ATL3: variants seen among roughly 807,000 people sequenced by gnomAD.
The protein encoded by ATL3 is atlastin-3.
ATL3 carries 49 observed loss-of-function variants against 69.5 expected under a neutral mutation model. That is an observed-to-expected ratio of 0.71 (90% CI 0.56 to 0.89). The LOEUF is 0.89. Ranked by LOEUF, ATL3 falls within the 40% of genes least tolerant of loss-of-function variation. The pLI is 0.00. For missense variants in ATL3, 606 were observed against 645.7 expected, an observed-to-expected ratio of 0.94 and a Z score of 0.67; for synonymous variants, 214 against 224.1, an observed-to-expected ratio of 0.95 and a Z score of 0.40.
At chr11:63,671,563 CG>C, upstream of ATL3, 2 of 1,419,826 alleles carry the variant, frequency 1.4e-6, no homozygotes, top group Non-Finnish European at 1.8e-6. Context: ...CTAGGCGAGG[CG>C]GGGCGGGAAA....
intron 5 of ATL3, among the ~76,000 whole-genome samples, chr11:63,650,934 C>A (rs192139262): frequency 1.3e-5 from 2 of 152,052 alleles, no homozygotes; most frequent in African/African-American, 2.4e-5. Flanking sequence ...CATTAAGGAT[C>A]GAGGTTTAGG....
At chr11:63,649,521 T>A (rs1346057184) in intron 5 of ATL3, among the ~76,000 whole-genome samples, 1 of 151,874 alleles carries the variant, frequency 6.6e-6, no homozygotes, top group Non-Finnish European at 1.5e-5. Context: ...AAGGTAGAAA[T>A]ATAATTTTAT....
At chr11:63,664,757 A>T (rs1446672807) in intron 1 of ATL3, among the ~76,000 whole-genome samples, 1 of 150,326 alleles carries the variant, frequency 6.7e-6, no homozygotes, top group African/African-American at 2.4e-5. Flanking sequence ...ACAGGCATGC[A>T]CCTCCATGCC....
chr11:63,652,478 G>T lies in ATL3; in HGVS notation c.503C>A (p.Ser168Tyr). ...GAGTCAAGTGGTTTTTACCTGAACA[G>T]AACTAGTCATAGTGCTTAGAGCAAA... ...TIFALSTMTS[S>Y]VQIYNLSQNI... The change falls in exon 4 of 13, where the codon TCT (serine) becomes TAT (tyrosine). Residue 168 changes from serine (S) to tyrosine (Y), a missense_variant. Transcript: ENST00000398868. 6.3e-7 allele frequency: 1 copy of T among 1,596,230 alleles called. No individual in the cohort carries two copies. The highest frequency in any genetic ancestry group is 1.1e-5 in the South Asian group (1 of 87,844).
chr11:63,669,538 A>G (rs1227139944), intron 1 of ATL3, among the ~76,000 whole-genome samples: 1 of 151,992 alleles, frequency 6.6e-6, no homozygotes, highest in East Asian at 1.9e-4. Context: ...CCTTCTCACC[A>G]GAAGAAAAAA....
chr11:63,647,277 T>G (rs371074855), intron 5 of ATL3, among the ~76,000 whole-genome samples: 1 of 152,188 alleles, frequency 6.6e-6, no homozygotes, highest in African/African-American at 2.4e-5. Context: ...CATCGCAACC[T>G]CCGCCTCCCG....
chr11:63,671,034 C>A (rs2134554428), intron 1 of ATL3, among the ~76,000 whole-genome samples: 2 of 152,274 alleles, frequency 1.3e-5, no homozygotes, highest in African/African-American at 4.8e-5. Context: ...CCCCCGGCGG[C>A]ACCAGGGCCC....
rs17158453 is a variant in ATL3 at position 63,628,912 on chromosome 11, C to T, written c.*407G>A. The T allele has an allele frequency of 0.14, 21,994 of 159,218 alleles. 1,670 individuals are homozygous for T. Among genetic ancestry groups the T allele is most frequent in the Middle Eastern group, 0.18 (55 of 308 alleles). The allele number at this position is 159,218 out of a possible 1,614,324, so 9.9% of individuals were successfully genotyped here. On this transcript the variant is annotated 3_prime_UTR_variant, in exon 13 of 13. Transcript: ENST00000398868. The stretch of plus-strand genomic sequence containing the variant: ...AGAAATGTCAAGTTTCACCCGAAAA[C>T]GGCACCTTTCATGAGGTTATCCTCC...
intron 5 of ATL3, among the ~76,000 whole-genome samples, chr11:63,649,188 T>G (rs949612247): frequency 5.3e-5 from 8 of 152,246 alleles, no homozygotes; most frequent in African/African-American, 1.9e-4. Context: ...AAACAAAACC[T>G]GCCTTCAACT....
intron 6 of ATL3, 133 bp from the exon 7 acceptor site, chr11:63,644,394 T>C (rs1256688753): frequency 1.6e-6 from 1 of 615,374 alleles, no homozygotes; most frequent in Non-Finnish European, 2.8e-6. Flanking sequence ...TTTTTTTTTT[T>C]TTTTTTTTTT....
intron 8 of ATL3, among the ~76,000 whole-genome samples, chr11:63,642,100 TTCTC>T (rs534601168): frequency 1.5e-4 from 23 of 152,252 alleles, no homozygotes; most frequent in Non-Finnish European, 2.8e-4. Context: ...ACACTTAACT[TTCTC>T]TCCCTACTCA....
At chr11:63,637,277 G>GAA (rs56386158) in intron 8 of ATL3, among the ~76,000 whole-genome samples, 8 of 140,112 alleles carry the variant, frequency 5.7e-5, no homozygotes, top group South Asian at 2.3e-4. Flanking sequence ...CTCCATCTCA[G>GAA]AAAAAAAAAA....
At chr11:63,630,001 G>T (rs547089938) in intron 12 of ATL3, among the ~76,000 whole-genome samples, 7 of 151,968 alleles carry the variant, frequency 4.6e-5, no homozygotes, top group Non-Finnish European at 8.8e-5. Flanking sequence ...ACTCAAAACC[G>T]AACATTTTTC....
In ATL3 at chr11:63,659,113, C is replaced by A; in HGVS notation, c.186G>T (p.Val62=). Residue 62 remains valine, a synonymous_variant, in exon 2 of 13, where the codon GTG becomes GTT. Transcript: ENST00000398868. ...TTCGGAAGGCACCAGCCACTGAAAC[C>A]ACCACCACATCAAGATCTCGGATGT... ...QDHIRDLDVV[V]VSVAGAFRKG... 6.2e-7 allele frequency: 1 copy of A among 1,613,970 alleles called. No homozygotes were observed. The highest frequency in any genetic ancestry group is 1.1e-5 in the South Asian group (1 of 91,072).
At position 63,635,718 on chromosome 11, in the gene ATL3, A is replaced by C. The variant is rs1398639869; in HGVS notation, c.979-128T>G. ...CTTAGGTCAACAACCAGGAATTAGC[A>C]AAAACACACCACACACCTTTGAGTG... On this transcript the variant is annotated intron_variant, in intron 9 of 12. Transcript: ENST00000398868. 568 of 681,352 alleles carry C rather than the reference A, an allele frequency of 8.3e-4. 4 individuals carry two copies. Among genetic ancestry groups the C allele is most frequent in the Non-Finnish European group, 4.5e-5 (18 of 401,538 alleles). The allele number at this position is 681,352 out of a possible 1,614,324, so 42.2% of individuals were successfully genotyped here. A position where few individuals can be genotyped will look rare whatever the true frequency, so the allele number is the denominator to read the frequency against.
At position 63,629,391 on chromosome 11, in the gene ATL3, G is replaced by A. The variant is rs538600015; in HGVS notation, c.1554C>T (p.Ile518=). The change falls in exon 13 of 13, where the codon ATC becomes ATT. Residue 518 remains isoleucine (I), a synonymous_variant. Coordinates refer to ENST00000398868, the MANE Select transcript of ATL3 (RefSeq NM_015459.5). ...AYVLEQASSH[I]GNSTQATVRD... ...TCACAGTGGCCTGAGTGGAATTACC[G>A]ATATGAGAAGAAGCCTGCAAAAGTC... 24 of 1,613,996 alleles carry A rather than the reference G, an allele frequency of 1.5e-5. No homozygotes were observed. Among genetic ancestry groups the A allele is most frequent in the East Asian group, 8.9e-5 (4 of 44,888 alleles).
intron 1 of ATL3, among the ~76,000 whole-genome samples, chr11:63,660,104 C>A (rs1021650638): frequency 6.7e-6 from 1 of 148,464 alleles, no homozygotes; most frequent in South Asian, 2.2e-4. Flanking sequence ...AAGTACTATC[C>A]ATAAAAGAAA....
intron 5 of ATL3, among the ~76,000 whole-genome samples, chr11:63,648,547 C>T (rs779864013): frequency 5.9e-5 from 9 of 152,090 alleles, no homozygotes; most frequent in Admixed American, 6.6e-5. Flanking sequence ...CAGGGCTGGC[C>T]GCTCTAATCC....
In ATL3 at chr11:63,632,499, C is replaced by T. The variant is rs141872938; in HGVS notation, c.1107+527G>A. On this transcript the variant is annotated intron_variant, in intron 11 of 12. Transcript: ENST00000398868. The stretch of plus-strand genomic sequence containing the variant: ...TAACTGGTTTGGAAGGAGACAAAAT[C>T]CTCACCACTAGTCCATCAGATTTCT... 1,385 of 853,902 alleles carry T rather than the reference C, an allele frequency of 1.6e-3. 11 individuals are homozygous for T. The African/African-American group carries it at 0.021, about 13-fold the overall frequency. The allele number at this position is 853,902 out of a possible 1,614,324, so 52.9% of individuals were successfully genotyped here. A position where few individuals can be genotyped will look rare whatever the true frequency, so the allele number is the denominator to read the frequency against.
Sources: gnomAD v4.1 joint callset for allele counts (sites outside exome capture counted in the v4.1 genomes callset) on GRCh38, gnomAD v4.1.1 for gene constraint, MANE v1.5 for transcripts, NCBI Gene and HGNC (gene_info 2026-07-23, HGNC 2026-07-21) for gene names.